TRAPPC9: variants seen among roughly 807,000 people sequenced by gnomAD.
TRAPPC9 encodes the protein IKK2 binding protein.
A neutral mutation model predicts 124.0 loss-of-function variants in TRAPPC9; 83 were observed. The observed-to-expected ratio is 0.67, with a 90% CI of 0.56 to 0.80. The LOEUF is 0.80. Ranked by LOEUF, TRAPPC9 falls within the 30% of genes least tolerant of loss-of-function variation. TRAPPC9 has a pLI of 0.00. For synonymous variants in TRAPPC9, 638 were observed against 617.5 expected, an observed-to-expected ratio of 1.03 and a Z score of -0.49; for missense variants, 1,302 against 1,508.3, an observed-to-expected ratio of 0.86 and a Z score of 2.27.
chr8:140,122,293 G>C (rs920124396), intron 17 of TRAPPC9, among the ~76,000 whole-genome samples: 4 of 152,194 alleles, frequency 2.6e-5, no homozygotes, highest in Non-Finnish European at 5.9e-5. Context: ...TGAGACTGCA[G>C]CTCTGGCCAA....
At chr8:139,827,977 AC>A (rs1825749461) in intron 21 of TRAPPC9, among the ~76,000 whole-genome samples, 1 of 152,174 alleles carries the variant, frequency 6.6e-6, no homozygotes, top group Non-Finnish European at 1.5e-5. Context: ...TCTTACGTGA[AC>A]TCACTCATCA....
intron 7 of TRAPPC9, among the ~76,000 whole-genome samples, chr8:140,381,736 T>C (rs994291193): frequency 7.0e-6 from 1 of 143,472 alleles, no homozygotes; most frequent in Admixed American, 6.9e-5. Context: ...GAGGGAAATG[T>C]AAATCAAAAC....
intron 7 of TRAPPC9, among the ~76,000 whole-genome samples, chr8:140,386,108 A>C (rs2068748389): frequency 6.6e-6 from 1 of 152,234 alleles, no homozygotes; most frequent in African/African-American, 2.4e-5. Flanking sequence ...CCTTTGACAA[A>C]ATTCAACAGC....
chr8:140,213,070 C>CAAA (rs71520260), intron 17 of TRAPPC9, among the ~76,000 whole-genome samples: 3 of 117,874 alleles, frequency 2.5e-5, no homozygotes, highest in Admixed American at 8.7e-5. Flanking sequence ...GACTCTGTCT[C>CAAA]AAAAAAAAAA....
chr8:139,903,964 G>A (rs1422928780), intron 20 of TRAPPC9, among the ~76,000 whole-genome samples: 3 of 152,104 alleles, frequency 2.0e-5, no homozygotes, highest in Non-Finnish European at 4.4e-5. Flanking sequence ...GAACCTCTCT[G>A]CAACCATTGC....
At chr8:140,270,437 G>A (rs772212681) in intron 15 of TRAPPC9, among the ~76,000 whole-genome samples, 9 of 152,312 alleles carry the variant, frequency 5.9e-5, no homozygotes, top group African/African-American at 9.6e-5. Flanking sequence ...ATGTCTTTCC[G>A]TCACCAATTA....
At chr8:140,312,988 G>A (rs2066340427) in intron 9 of TRAPPC9, among the ~76,000 whole-genome samples, 1 of 152,054 alleles carries the variant, frequency 6.6e-6, no homozygotes, top group South Asian at 2.1e-4. Flanking sequence ...TCCAACTCCT[G>A]GGCTCAAGTG....
At chr8:140,368,619 G>A (rs1251762855) in intron 8 of TRAPPC9, among the ~76,000 whole-genome samples, 1 of 152,118 alleles carries the variant, frequency 6.6e-6, no homozygotes, top group African/African-American at 2.4e-5. Context: ...CAGAGCAGAA[G>A]TGCCCTCCCC....
Position 140,241,484 on chromosome 8 carries a change from G to A in TRAPPC9, c.2431+11293C>T, listed in dbSNP as rs1264885181. ...GGCTGAGGTGGGTGAATCATGAGGT[G>A]AAGGGATCAAGACTATCCTGGCCAA... On this transcript the variant is annotated intron_variant, in intron 16 of 22. Transcript: ENST00000438773. This position sits in a 1 kb window ranked among gnomAD's most constrained non-coding sequence, Gnocchi z 5.0. Among the ~76,000 whole-genome samples, 1 of 150,130 alleles carries A rather than the reference G, an allele frequency of 6.7e-6. No individual in the cohort carries two copies. Among genetic ancestry groups the A allele is most frequent in the African/African-American group, 2.5e-5 (1 of 40,650 alleles).
At chr8:139,873,774 T>C (rs1829150360) in intron 21 of TRAPPC9, among the ~76,000 whole-genome samples, 1 of 152,236 alleles carries the variant, frequency 6.6e-6, no homozygotes, top group Admixed American at 6.5e-5. Context: ...TTCCTGTCCT[T>C]TGTACTGGAG....
chr8:140,075,953 C>T lies in TRAPPC9; in HGVS notation c.2557-51874G>A, dbSNP rs551120721. Among the ~76,000 whole-genome samples, 5 of 152,278 alleles carry T rather than the reference C, an allele frequency of 3.3e-5. No individual in the cohort carries two copies. In the South Asian group the frequency reaches 1.0e-3, roughly 32 times the overall value. ...TGGAGTGAAATCTCTTATGATAGCCCACTTCTAATGCAACGATAACGAGAA... is the reference window on the plus strand; with the variant it reads ...TGGAGTGAAATCTCTTATGATAGCCTACTTCTAATGCAACGATAACGAGAA... On this transcript the variant is annotated intron_variant, in intron 17 of 22. Coordinates refer to ENST00000438773, the MANE Select transcript of TRAPPC9 (RefSeq NM_001160372.4).
At chr8:140,411,050 C>T (rs2069689821) in intron 5 of TRAPPC9, among the ~76,000 whole-genome samples, 1 of 152,128 alleles carries the variant, frequency 6.6e-6, no homozygotes, top group African/African-American at 2.4e-5. Context: ...GACTGCAGCA[C>T]CCTGTGTATT....
At chr8:139,890,864 A>T (rs562932356) in intron 20 of TRAPPC9, among the ~76,000 whole-genome samples, 26 of 151,908 alleles carry the variant, frequency 1.7e-4, no homozygotes, top group Admixed American at 1.3e-3. Context: ...AAAAAAATTT[A>T]AAAATTTAAA....
intron 17 of TRAPPC9, 149 bp from the exon 18 acceptor site, chr8:140,024,228 C>A (rs1043907684): frequency 2.0e-6 from 2 of 1,015,110 alleles, no homozygotes; most frequent in East Asian, 2.6e-5. Context: ...ACAACCCCGG[C>A]GGGTACCGAC....
intron 21 of TRAPPC9, among the ~76,000 whole-genome samples, chr8:139,787,769 T>G (rs201360107): frequency 6.6e-6 from 1 of 152,128 alleles, no homozygotes; most frequent in East Asian, 1.9e-4. Flanking sequence ...TGTGTTTCTG[T>G]CTAGAGACCA....
At chr8:139,869,297 A>G (rs900927024) in intron 21 of TRAPPC9, among the ~76,000 whole-genome samples, 10 of 152,330 alleles carry the variant, frequency 6.6e-5, no homozygotes, top group Admixed American at 3.3e-4. Context: ...TAGTTATAAT[A>G]TCAAAGAGGG....
intron 1 of TRAPPC9, chr8:140,456,708 C>G (rs2071677942): frequency 1.3e-6 from 1 of 769,224 alleles, no homozygotes; most frequent in Non-Finnish European, 1.6e-6. Context: ...ATAAAGATGT[C>G]ATAGGTAGCT....
At position 140,424,158 on chromosome 8, in the gene TRAPPC9, T is replaced by TTTG. The variant is rs1564014828; in HGVS notation, c.886+2456_886+2457insCAA. On this transcript the variant is annotated intron_variant, in intron 5 of 22. Coordinates refer to ENST00000438773, the MANE Select transcript of TRAPPC9 (RefSeq NM_001160372.4). The stretch of plus-strand genomic sequence containing the variant: ...AGTTTGTTTGTTTGTTTGTTTGTTT[T>TTTG]TTTAAAAAAAAGCACCTTAGAACAG... Among the ~76,000 whole-genome samples the TTTG allele has an allele frequency of 3.2e-3, 468 of 144,868 alleles. 2 individuals carry two copies. Among genetic ancestry groups the TTTG allele is most frequent in the African/African-American group, 0.013 (445 of 34,788 alleles).
intron 5 of TRAPPC9, among the ~76,000 whole-genome samples, chr8:140,422,055 TA>T (rs1464852291): frequency 7.5e-6 from 1 of 133,906 alleles, no homozygotes; most frequent in Non-Finnish European, 1.6e-5. Context: ...AATGATTCCC[TA>T]AAAAAAGCAA....
Sources: gnomAD v4.1 joint callset for allele counts (sites outside exome capture counted in the v4.1 genomes callset) on GRCh38, gnomAD v4.1.1 for gene constraint, Gnocchi (gnomAD v3.1) non-coding constraint, MANE v1.5 for transcripts, NCBI Gene and HGNC (gene_info 2026-07-23, HGNC 2026-07-21) for gene names.